Variants in DMRT1 observed in about 807,000 individuals in gnomAD.
The protein encoded by DMRT1 is doublesex- and mab-3-related transcription factor 1.
Under a neutral mutation model 32.3 loss-of-function variants are expected in DMRT1, and 7 were observed. The observed-to-expected ratio is 0.22, with a 90% confidence interval of 0.12 to 0.41. DMRT1 has a LOEUF of 0.41. DMRT1 is among the 10% of genes least tolerant of loss of function. The pLI, the probability that DMRT1 is intolerant of heterozygous loss-of-function variation, is 1.00. For missense variants in DMRT1, 625 were observed against 500.5 expected, an observed-to-expected ratio of 1.25 and a Z score of -2.37; for synonymous variants, 278 against 206.1, an observed-to-expected ratio of 1.35 and a Z score of -2.99.
intron 2 of DMRT1, among the ~76,000 whole-genome samples, chr9:853,018 GT>G (rs1413728166): frequency 6.6e-6 from 1 of 152,194 alleles, no homozygotes; most frequent in Non-Finnish European, 1.5e-5. Context: ...ATCCCATGCA[GT>G]TTTTACAAGT....
chr9:942,411 C>A (rs1324711247), intron 4 of DMRT1, among the ~76,000 whole-genome samples: 1 of 152,092 alleles, frequency 6.6e-6, no homozygotes, highest in African/African-American at 2.4e-5. Context: ...GTAGCTGGGA[C>A]TACAGGCGCG....
At chr9:848,367 G>A (rs1306161503) in intron 2 of DMRT1, among the ~76,000 whole-genome samples, 5 of 152,080 alleles carry the variant, frequency 3.3e-5, no homozygotes, top group Non-Finnish European at 2.9e-5. Context: ...AAGCAGAAAA[G>A]AAGTTAAAAA....
At chr9:897,887 T>C (rs921159613) in intron 3 of DMRT1, among the ~76,000 whole-genome samples, 4 of 152,194 alleles carry the variant, frequency 2.6e-5, no homozygotes, top group Admixed American at 2.6e-4. Context: ...TGAATGTGTA[T>C]GGATTGATTT....
chr9:870,785 C>T (rs948805624), intron 2 of DMRT1, among the ~76,000 whole-genome samples: 5 of 132,092 alleles, frequency 3.8e-5, no homozygotes, highest in Admixed American at 8.6e-5. Flanking sequence ...GATCATGGCT[C>T]ACTGCACCCT....
chr9:899,691 T>C, intron 3 of DMRT1, among the ~76,000 whole-genome samples: 1 of 152,248 alleles, frequency 6.6e-6, no homozygotes, highest in Non-Finnish European at 1.5e-5. Flanking sequence ...AAGCTGTTTA[T>C]TGCCTTGTGC....
chr9:962,082 A>G (rs984854084), intron 4 of DMRT1, among the ~76,000 whole-genome samples: 1 of 152,208 alleles, frequency 6.6e-6, no homozygotes, highest in South Asian at 2.1e-4. Context: ...CACGATGATT[A>G]GGTGTTAAGA....
chr9:864,694 G>T (rs1369079596), intron 2 of DMRT1, among the ~76,000 whole-genome samples: 1 of 150,544 alleles, frequency 6.6e-6, no homozygotes. Context: ...TAGAGACAGG[G>T]TTTCACCATG....
chr9:917,352 A>C (rs1332020660), intron 4 of DMRT1, among the ~76,000 whole-genome samples: 2 of 152,216 alleles, frequency 1.3e-5, no homozygotes, highest in Non-Finnish European at 2.9e-5. Flanking sequence ...TTTTGAATAC[A>C]ATAGATCTCA....
chr9:926,859 C>T (rs556370199), intron 4 of DMRT1, among the ~76,000 whole-genome samples: 4 of 152,324 alleles, frequency 2.6e-5, no homozygotes, highest in African/African-American at 4.8e-5. Flanking sequence ...AGTTCCATCC[C>T]TGCCTGCTCA....
intron 3 of DMRT1, among the ~76,000 whole-genome samples, chr9:907,963 T>C (rs914128890): frequency 9.9e-5 from 15 of 152,186 alleles, no homozygotes; most frequent in African/African-American, 3.6e-4. Flanking sequence ...AGTACACTGT[T>C]GTTCCGTCAG....
chr9:938,667 A>G (rs1359470304), intron 4 of DMRT1, among the ~76,000 whole-genome samples: 1 of 152,176 alleles, frequency 6.6e-6, no homozygotes, highest in Non-Finnish European at 1.5e-5. Flanking sequence ...AGTATTTTCT[A>G]TAATAAGTTT....
At chr9:858,119 C>A (rs1815483530) in intron 2 of DMRT1, among the ~76,000 whole-genome samples, 1 of 152,028 alleles carries the variant, frequency 6.6e-6, no homozygotes, top group Non-Finnish European at 1.5e-5. Flanking sequence ...CTGTGAGTTT[C>A]TAAAATTGGA....
chr9:953,657 C>T (rs1159546546), intron 4 of DMRT1, among the ~76,000 whole-genome samples: 1 of 152,164 alleles, frequency 6.6e-6, no homozygotes, highest in South Asian at 2.1e-4. Flanking sequence ...TTTCCTCGCC[C>T]CTTCCTTGAC....
chr9:961,256 C>T (rs560572209), intron 4 of DMRT1, among the ~76,000 whole-genome samples: 70 of 152,254 alleles, frequency 4.6e-4, no homozygotes, highest in African/African-American at 1.6e-3. Context: ...CTGGGTAACT[C>T]TTTGCTCTTC....
At chr9:858,398 G>A (rs746204270) in intron 2 of DMRT1, among the ~76,000 whole-genome samples, 1 of 152,114 alleles carries the variant, frequency 6.6e-6, no homozygotes, top group African/African-American at 2.4e-5. Flanking sequence ...GCATCCCCCT[G>A]GAGTTCTTTG....
intron 2 of DMRT1, among the ~76,000 whole-genome samples, chr9:869,399 G>A (rs550799697): frequency 6.6e-6 from 1 of 152,256 alleles, no homozygotes; most frequent in South Asian, 2.1e-4. Context: ...AGTTCTCCTA[G>A]CTGTTCTCCG....
chr9:959,208 C>T (rs145353764), intron 4 of DMRT1, among the ~76,000 whole-genome samples: 33 of 152,316 alleles, frequency 2.2e-4, no homozygotes, highest in African/African-American at 7.2e-4. Context: ...GAGATGATCA[C>T]GTATATATTT....
rs965924329 is a variant in DMRT1 at position 916,662 on chromosome 9, G to A, written c.823-101G>A. On this transcript the variant is annotated intron_variant, in intron 3 of 4. Coordinates refer to ENST00000382276, the MANE Select transcript of DMRT1 (RefSeq NM_021951.3). The stretch of plus-strand genomic sequence containing the variant: ...GTCGGGAACATAGGCATGAGCCACT[G>A]TGCCCAGCCTGTTACCTTGTTTTAA... The A allele has an allele frequency of 2.3e-5, 34 of 1,451,920 alleles. No individual in the cohort carries two copies. The African/African-American group carries it at 4.8e-4, about 20-fold the overall frequency. 89.9% of individuals were successfully genotyped at this position (1,451,920 alleles called of 1,614,324 possible). A position where few individuals can be genotyped will look rare whatever the true frequency, so the allele number is the denominator to read the frequency against.
chr9:967,134 C>A (rs1024760567), intron 4 of DMRT1, among the ~76,000 whole-genome samples: 2 of 152,158 alleles, frequency 1.3e-5, no homozygotes, highest in Non-Finnish European at 2.9e-5. Context: ...CTGCAGCTTC[C>A]CCTTAATTAC....
Sources: allele counts gnomAD v4.1 joint callset (sites outside exome capture counted in the v4.1 genomes callset), GRCh38; gene constraint gnomAD v4.1.1; transcripts MANE v1.5; gene names NCBI Gene and HGNC (gene_info 2026-07-23, HGNC 2026-07-21).